Variants in TNR observed in about 807,000 individuals in gnomAD.
TNR encodes the protein tenascin R.
Under a neutral mutation model 150.4 loss-of-function variants are expected in TNR, and 45 were observed. That is an observed-to-expected ratio of 0.30 (90% CI 0.24 to 0.38). The LOEUF (loss-of-function observed/expected upper bound fraction) is 0.38, where lower values mean the gene tolerates loss of function less well. TNR is among the 10% of genes least tolerant of loss of function. The pLI is 1.00. For missense variants in TNR, 1,544 were observed against 1,759.1 expected, an observed-to-expected ratio of 0.88 and a Z score of 2.19; for synonymous variants, 687 against 678.4, an observed-to-expected ratio of 1.01 and a Z score of -0.20.
At position 175,356,393 on chromosome 1, in the gene TNR, G is replaced by A. The variant is rs1231267101; in HGVS notation, c.3044C>T (p.Thr1015Ile). 1.2e-6 allele frequency: 2 copies of A among 1,614,022 alleles called. No individual in the cohort carries two copies. Among genetic ancestry groups the A allele is most frequent in the Admixed American group, 3.3e-5 (2 of 60,008 alleles). Residue 1015 changes from threonine (T) to isoleucine (I), a missense_variant, in exon 16 of 23, where the codon ACC (threonine) becomes ATC (isoleucine). Thr to Ile is a moderately conservative substitution (Grantham distance 89). Around this residue, in one of 2 missense-constraint regions of TNR, gnomAD observed 1,254 missense variants for 1,329.4 expected, o/e 0.94. Transcript: ENST00000367674. ...EFRLVDLLPS[T>I]HYTATMYATN... is the part of the protein sequence containing the mutation. Reference sequence around the variant, plus strand: ...GGCATACATGGTGGCAGTATAGTGGGTGCTAGGAAGCAGGTCAACAAGCCG... The same window carrying A: ...GGCATACATGGTGGCAGTATAGTGGATGCTAGGAAGCAGGTCAACAAGCCG...
chr1:175,327,782 C>T (rs1269194112), intron 21 of TNR, among the ~76,000 whole-genome samples: 1 of 152,166 alleles, frequency 6.6e-6, no homozygotes, highest in Non-Finnish European at 1.5e-5. Flanking sequence ...TCCTCCACCA[C>T]CCAGACTCCT....
Position 175,318,367 on chromosome 1 carries a change from A to T in TNR, c.*4990T>A, listed in dbSNP as rs1648900903. ...TTTTCTTCTTTCCACCTGTTTCTCA[A>T]GGCTTGATGAATGTAGAACTGGCAT... On this transcript the variant is annotated 3_prime_UTR_variant, in exon 23 of 23. Coordinates refer to ENST00000367674, the MANE Select transcript of TNR (RefSeq NM_003285.3). 3 of 152,198 alleles carry T rather than the reference A, an allele frequency of 2.0e-5. No individual in the cohort carries two copies. The highest frequency in any genetic ancestry group is 2.0e-4 in the Admixed American group (3 of 15,274). 9.4% of individuals were successfully genotyped at this position (152,198 alleles called of 1,614,324 possible).
intron 1 of TNR, among the ~76,000 whole-genome samples, chr1:175,567,563 G>A (rs1345033769): frequency 1.3e-5 from 2 of 152,202 alleles, no homozygotes; most frequent in African/African-American, 2.4e-5. Flanking sequence ...ATGGCCATGG[G>A]AGGAGCATCT....
chr1:175,537,866 G>A (rs1660355749), intron 1 of TNR, among the ~76,000 whole-genome samples: 1 of 152,210 alleles, frequency 6.6e-6, no homozygotes, highest in African/African-American at 2.4e-5. Flanking sequence ...AACTGGTTGG[G>A]TAATGGTGCA....
intron 9 of TNR, among the ~76,000 whole-genome samples, chr1:175,371,360 C>A (rs1463438233): frequency 6.6e-6 from 1 of 152,164 alleles, no homozygotes; most frequent in Admixed American, 6.5e-5. Context: ...CACCTCACAC[C>A]CATTCTTCTT....
intron 2 of TNR, among the ~76,000 whole-genome samples, chr1:175,457,206 T>C (rs931160177): frequency 2.6e-5 from 4 of 152,242 alleles, no homozygotes; most frequent in Non-Finnish European, 5.9e-5. Context: ...AGAAGAGAAA[T>C]GTGCCCCCAG....
intron 2 of TNR, among the ~76,000 whole-genome samples, chr1:175,432,167 C>T (rs1330057499): frequency 6.6e-6 from 1 of 152,084 alleles, no homozygotes; most frequent in Non-Finnish European, 1.5e-5. Context: ...AGAGGCGGGT[C>T]TACAAGGGGT....
At chr1:175,375,268 C>T (rs867511336) in intron 9 of TNR, among the ~76,000 whole-genome samples, 37 of 151,702 alleles carry the variant, frequency 2.4e-4, no homozygotes, top group African/African-American at 8.2e-4. Context: ...AGATGTGTAA[C>T]ACTCAAGGAC....
At chr1:175,601,089 A>T (rs1663216224) in intron 1 of TNR, among the ~76,000 whole-genome samples, 1 of 152,220 alleles carries the variant, frequency 6.6e-6, no homozygotes, top group Non-Finnish European at 1.5e-5. Flanking sequence ...TGTGTGCCAA[A>T]ATATGTTTAC....
chr1:175,705,950 G>A (rs1666833555), intron 1 of TNR, among the ~76,000 whole-genome samples: 1 of 152,000 alleles, frequency 6.6e-6, no homozygotes, highest in Non-Finnish European at 1.5e-5. Flanking sequence ...ATTTTTCAAG[G>A]CCCAGTCCTG....
At chr1:175,639,408 A>G (rs995136524) in intron 1 of TNR, among the ~76,000 whole-genome samples, 3 of 152,220 alleles carry the variant, frequency 2.0e-5, no homozygotes, top group African/African-American at 7.2e-5. Flanking sequence ...GTCCATAAAT[A>G]CCCCTAAGGA....
rs1365526782 is a variant in TNR at position 175,317,955 on chromosome 1, G to A, written c.*5402C>T. 2.0e-5 allele frequency: 3 copies of A among 152,246 alleles called. No individual in the cohort carries two copies. The highest frequency in any genetic ancestry group is 7.2e-5 in the African/African-American group (3 of 41,454). The allele number at this position is 152,246 out of a possible 1,614,324, so 9.4% of individuals were successfully genotyped here. A position where few individuals can be genotyped will look rare whatever the true frequency, so the allele number is the denominator to read the frequency against. On this transcript the variant is annotated 3_prime_UTR_variant, in exon 23 of 23. Coordinates refer to ENST00000367674, the MANE Select transcript of TNR (RefSeq NM_003285.3). ...GGTTTGCCAAGGACATTTGGACAAT[G>A]AAGTGCTGCAGGTGCAATGAAGTCA...
At chr1:175,468,696 A>G (rs185192450) in intron 2 of TNR, among the ~76,000 whole-genome samples, 1 of 152,178 alleles carries the variant, frequency 6.6e-6, no homozygotes, top group Non-Finnish European at 1.5e-5. Context: ...GAGGGTCTGC[A>G]CCATCAAAGA....
At chr1:175,517,533 G>GA (rs1037405008) in intron 2 of TNR, among the ~76,000 whole-genome samples, 11 of 152,174 alleles carry the variant, frequency 7.2e-5, no homozygotes, top group Middle Eastern at 6.8e-3. Flanking sequence ...TTAGGCAGTT[G>GA]AAAAAATGGA....
chr1:175,667,247 G>T (rs746869468), intron 1 of TNR, among the ~76,000 whole-genome samples: 8 of 152,150 alleles, frequency 5.3e-5, no homozygotes, highest in Non-Finnish European at 1.2e-4. Context: ...CTTTGCACAC[G>T]TGGTCTGCTC....
In TNR at chr1:175,321,292, G is replaced by A. The variant is rs1328815314; in HGVS notation, c.*2065C>T. ...CAGTGAACAAAGCCTAGAAGCCTGC[G>A]GCAAGGGAAGCGCCTCCATTCAATG... On this transcript the variant is annotated 3_prime_UTR_variant, in exon 23 of 23. Transcript: ENST00000367674. The A allele has an allele frequency of 6.6e-6, 1 of 152,180 alleles. No individual in the cohort carries two copies. Among genetic ancestry groups the A allele is most frequent in the Admixed American group, 6.5e-5 (1 of 15,276 alleles). The allele number at this position is 152,180 out of a possible 1,614,324, so 9.4% of individuals were successfully genotyped here. A position where few individuals can be genotyped will look rare whatever the true frequency, so the allele number is the denominator to read the frequency against.
At chr1:175,364,827 T>C (rs1651758292) in intron 12 of TNR, among the ~76,000 whole-genome samples, 183 bp downstream of exon 12, 1 of 152,240 alleles carries the variant, frequency 6.6e-6, no homozygotes, top group Non-Finnish European at 1.5e-5. Flanking sequence ...TGGGAGTTTC[T>C]TATCTAATGC....
At position 175,697,185 on chromosome 1, in the gene TNR, T is replaced by A. The variant is rs545031767; in HGVS notation, c.-165+46041A>T. Among the ~76,000 whole-genome samples the A allele has an allele frequency of 2.2e-5, 3 of 134,956 alleles. No homozygotes were observed. The East Asian group carries it at 6.5e-4, about 29-fold the overall frequency. The allele number at this position is 134,956 out of a possible 152,430, so 88.5% of individuals were successfully genotyped here. The stretch of plus-strand genomic sequence containing the variant: ...AGAAGAGCTTTTATTCATTATTTAA[T>A]CAAGGAAAGAGCTTTAACTCAAACA... On this transcript the variant is annotated intron_variant, in intron 1 of 22. Transcript: ENST00000367674.
intron 2 of TNR, among the ~76,000 whole-genome samples, chr1:175,469,406 A>G (rs751032794): frequency 6.6e-5 from 10 of 152,192 alleles, no homozygotes; most frequent in Non-Finnish European, 1.2e-4. Flanking sequence ...TACAACTATC[A>G]CTAGTAGCAA....
Sources: gnomAD v4.1 joint callset for allele counts (sites outside exome capture counted in the v4.1 genomes callset) on GRCh38, gnomAD v4.1.1 for gene constraint, gnomAD v4.1.1 regional missense constraint, MANE v1.5 for transcripts, NCBI Gene and HGNC (gene_info 2026-07-23, HGNC 2026-07-21) for gene names.